The following RNF144B variants were observed in gnomAD, a reference collection of about 807,000 sequenced individuals.
RNF144B encodes the protein E3 ubiquitin-protein ligase RNF144B.
In RNF144B, 25 loss-of-function variants were observed where a neutral mutation model predicts 40.2. The observed-to-expected ratio is 0.62, with a 90% confidence interval of 0.45 to 0.87. RNF144B has a LOEUF of 0.87. RNF144B is among the 40% of genes least tolerant of loss of function. The pLI, the probability that RNF144B is intolerant of heterozygous loss-of-function variation, is 0.00. For synonymous variants in RNF144B, 145 were observed against 136.3 expected (o/e 1.06, Z -0.44); for missense variants, 365 against 373.7 (o/e 0.98, Z 0.19).
chr6:18,442,493 C>T lies in RNF144B; in HGVS notation c.331+2749C>T, dbSNP rs1355961809. On this transcript the variant is annotated intron_variant, in intron 4 of 7. Coordinates refer to ENST00000259939, the MANE Select transcript of RNF144B (RefSeq NM_182757.4). The surrounding 1 kb of genome is among the most constrained non-coding windows in gnomAD (Gnocchi z 4.3). Reference sequence around the variant, plus strand: ...TTGCCTAGGACCACATAGACTGTGGCTAACCTTCCTTATCTATACAAATGT... The same window carrying T: ...TTGCCTAGGACCACATAGACTGTGGTTAACCTTCCTTATCTATACAAATGT... 6.6e-6 allele frequency among the ~76,000 whole-genome samples: 1 copy of T among 152,172 alleles called. No individual in the cohort carries two copies. The highest frequency in any genetic ancestry group is 1.5e-5 in the Non-Finnish European group (1 of 68,030).
chr6:18,426,685 T>G (rs1030802713), intron 2 of RNF144B, among the ~76,000 whole-genome samples: 3 of 151,512 alleles, frequency 2.0e-5, no homozygotes, highest in Non-Finnish European at 4.4e-5. Flanking sequence ...CTGGTTTTCT[T>G]TTTTCTATTC....
At chr6:18,461,905 G>T (rs904077198) in intron 6 of RNF144B, among the ~76,000 whole-genome samples, 1 of 152,096 alleles carries the variant, frequency 6.6e-6, no homozygotes, top group Non-Finnish European at 1.5e-5. Context: ...AGTTGAGCTT[G>T]TTCCTGCCTT....
At position 18,450,429 on chromosome 6, in the gene RNF144B, C is replaced by G. The variant is rs747005734; in HGVS notation, c.332-6726C>G. On this transcript the variant is annotated intron_variant, in intron 4 of 7. Coordinates refer to ENST00000259939, the MANE Select transcript of RNF144B (RefSeq NM_182757.4). This position sits in a 1 kb window ranked among gnomAD's most constrained non-coding sequence, Gnocchi z 4.7. ...TCTCCTGCCTCAGCCTCCCGAGTAG[C>G]TGGGATTACACGTGTGTGCCACCAG... 3.5e-4 allele frequency among the ~76,000 whole-genome samples: 53 copies of G among 152,146 alleles called. No individual in the cohort carries two copies. The highest frequency in any genetic ancestry group is 6.8e-4 in the Non-Finnish European group (46 of 68,010).
rs951781107 is a variant in RNF144B at position 18,419,715 on chromosome 6, G to A, written c.166-7866G>A. ...GAGTGGCAGGGAGGAGTTGGGATGGGATTGGTGAAGGAGTGAGGGAAGACA... is the reference window on the plus strand; with the variant it reads ...GAGTGGCAGGGAGGAGTTGGGATGGAATTGGTGAAGGAGTGAGGGAAGACA... On this transcript the variant is annotated intron_variant, in intron 2 of 7. Transcript: ENST00000259939. The surrounding 1 kb of genome is among the most constrained non-coding windows in gnomAD (Gnocchi z 4.6). 2.6e-5 allele frequency among the ~76,000 whole-genome samples: 4 copies of A among 152,154 alleles called. No individual in the cohort carries two copies. The highest frequency in any genetic ancestry group is 9.7e-5 in the African/African-American group (4 of 41,438).
At chr6:18,440,447 G>T (rs1166578191) in intron 4 of RNF144B, among the ~76,000 whole-genome samples, 1 of 151,992 alleles carries the variant, frequency 6.6e-6, no homozygotes, top group Non-Finnish European at 1.5e-5. Context: ...TTATTGGACT[G>T]GTCTAGTCTC....
At chr6:18,391,035 C>T (rs1794568521) in intron 1 of RNF144B, among the ~76,000 whole-genome samples, 1 of 152,138 alleles carries the variant, frequency 6.6e-6, no homozygotes, top group African/African-American at 2.4e-5. Flanking sequence ...CTATATGAAA[C>T]TTTTAACTTT....
chr6:18,436,142 T>C (rs556205825), intron 3 of RNF144B, among the ~76,000 whole-genome samples: 8 of 152,084 alleles, frequency 5.3e-5, no homozygotes, highest in Admixed American at 4.6e-4. Context: ...ACGTCTGTGA[T>C]ATTCTTGCCA....
rs9477751 is a variant in RNF144B at position 18,460,927 on chromosome 6, A to C, written c.681+1176A>C. On this transcript the variant is annotated intron_variant, in intron 6 of 7. Transcript: ENST00000259939. This position sits in a 1 kb window ranked among gnomAD's most constrained non-coding sequence, Gnocchi z 4.4. ...CAATTTGGACCTCTAAAATATGTCC[A>C]TATCAGCGTAAGCCCTCAGTTACCA... 0.036 allele frequency among the ~76,000 whole-genome samples: 5,529 copies of C among 152,282 alleles called. 200 individuals carry two copies. Among genetic ancestry groups the C allele is most frequent in the African/African-American group, 0.092 (3,804 of 41,538 alleles).
intron 1 of RNF144B, among the ~76,000 whole-genome samples, chr6:18,389,849 G>A (rs1794547021): frequency 6.6e-6 from 1 of 152,112 alleles, no homozygotes; most frequent in Admixed American, 6.5e-5. Context: ...TTTCTTTCAG[G>A]GGTGCCTACC....
rs1562062743 is a variant in RNF144B at position 18,466,205 on chromosome 6, C to G, written c.*1138C>G. 6.6e-6 allele frequency: 1 copy of G among 151,900 alleles called. No individual in the cohort carries two copies. The highest frequency in any genetic ancestry group is 6.5e-5 in the Admixed American group (1 of 15,268). The allele number at this position is 151,900 out of a possible 1,614,324, so 9.4% of individuals were successfully genotyped here. ...TTTTGGTTGTAAGTTCATAACTTACCCAAGGGTATAGACTCATAACTCTTT... is the reference window on the plus strand; with the variant it reads ...TTTTGGTTGTAAGTTCATAACTTACGCAAGGGTATAGACTCATAACTCTTT... On this transcript the variant is annotated 3_prime_UTR_variant, in exon 8 of 8. Coordinates refer to ENST00000259939, the MANE Select transcript of RNF144B (RefSeq NM_182757.4).
chr6:18,414,762 C>A lies in RNF144B; in HGVS notation c.166-12819C>A, dbSNP rs1228748635. On this transcript the variant is annotated intron_variant, in intron 2 of 7. Transcript: ENST00000259939. This position sits in a 1 kb window ranked among gnomAD's most constrained non-coding sequence, Gnocchi z 4.9. ...TGAATGGTATAAATTTTATCTTTTG[C>A]TTTTAGTTTTAAAATATTGTACAAC... 2.0e-5 allele frequency among the ~76,000 whole-genome samples: 3 copies of A among 151,978 alleles called. No homozygotes were observed. The highest frequency in any genetic ancestry group is 7.2e-5 in the African/African-American group (3 of 41,382).
intron 2 of RNF144B, among the ~76,000 whole-genome samples, chr6:18,407,816 T>A (rs1041943915): frequency 2.0e-5 from 3 of 152,102 alleles, no homozygotes; most frequent in African/African-American, 7.2e-5. Flanking sequence ...TAGTGCTCAG[T>A]CCAATGTAGG....
chr6:18,463,300 T>C lies in RNF144B; in HGVS notation c.691T>C (p.Phe231Leu). The C allele has an allele frequency of 6.3e-7, 1 of 1,596,354 alleles. No individual in the cohort carries two copies. Among genetic ancestry groups the C allele is most frequent in the Non-Finnish European group, 8.6e-7 (1 of 1,163,796 alleles). Residue 231 changes from phenylalanine to leucine, a missense_variant, in exon 7 of 8, where the codon TTC becomes CTC. Phe to Leu is a conservative substitution (Grantham distance 22). Transcript: ENST00000259939. ...TCTTTTTATTTTTCAGAATGACATT[T>C]TCCTCAGACATTATGACAAAGGGCC... ...YCLQNLDNDI[F>L]LRHYDKGPCR...
Position 18,430,004 on chromosome 6 carries a change from A to G in RNF144B, c.270+2319A>G, listed in dbSNP as rs527833806. 2.0e-5 allele frequency among the ~76,000 whole-genome samples: 3 copies of G among 152,358 alleles called. No homozygotes were observed. In the East Asian group the frequency reaches 5.8e-4, roughly 29 times the overall value. ...GCAGGCAACAGGAGCTGTGTCTGCT[A>G]TGAAATCTTAGTGAATTCATGCACA... On this transcript the variant is annotated intron_variant, in intron 3 of 7. Coordinates refer to ENST00000259939, the MANE Select transcript of RNF144B (RefSeq NM_182757.4).
At chr6:18,424,019 A>G (rs1758492729) in intron 2 of RNF144B, among the ~76,000 whole-genome samples, 1 of 152,154 alleles carries the variant, frequency 6.6e-6, no homozygotes, top group Admixed American at 6.5e-5. Flanking sequence ...TTCTTTGTTA[A>G]TAGTGATTAT....
Position 18,457,320 on chromosome 6 carries a change from G to C in RNF144B, c.497G>C (p.Cys166Ser). The change falls in exon 5 of 8, where the codon TGT becomes TCT. Residue 166 changes from cysteine (C) to serine (S), a missense_variant. Cys to Ser is a moderately radical substitution (Grantham distance 112, BLOSUM62 -1). Coordinates refer to ENST00000259939, the MANE Select transcript of RNF144B (RefSeq NM_182757.4). This position sits in a 1 kb window ranked among gnomAD's most constrained non-coding sequence, Gnocchi z 5.1. ...GATGCTTGGCATGCAGAGGTCTCCT[G>C]TAGAGACAGTCAGCCTATTGTCCTG... is the stretch of plus-strand genomic sequence containing the variant. Reference protein sequence around the residue: ...CKDAWHAEVSCRDSQPIVLPT... With the variant: ...CKDAWHAEVSSRDSQPIVLPT... 1 of 1,614,202 alleles carries C rather than the reference G, an allele frequency of 6.2e-7. No homozygotes were observed. Among genetic ancestry groups the C allele is most frequent in the East Asian group, 2.2e-5 (1 of 44,876 alleles).
At chr6:18,396,562 G>T in intron 1 of RNF144B, 1 of 985,432 alleles carries the variant, frequency 1.0e-6, no homozygotes, top group African/African-American at 1.7e-5. Flanking sequence ...GTGTGGGATG[G>T]TTCTGGCCTG....
Position 18,415,154 on chromosome 6 carries a change from T to A in RNF144B, c.166-12427T>A, listed in dbSNP as rs116250239. On this transcript the variant is annotated intron_variant, in intron 2 of 7. Coordinates refer to ENST00000259939, the MANE Select transcript of RNF144B (RefSeq NM_182757.4). ...ATTTCTTATTGTGATTTTAAAAATATATTTTCTGTCCGTGGTTGGTTGAAT... is the reference window on the plus strand; with the variant it reads ...ATTTCTTATTGTGATTTTAAAAATAAATTTTCTGTCCGTGGTTGGTTGAAT... 5.3e-3 allele frequency among the ~76,000 whole-genome samples: 801 copies of A among 152,334 alleles called. 12 individuals are homozygous for A. The highest frequency in any genetic ancestry group is 0.018 in the African/African-American group (740 of 41,572).
intron 4 of RNF144B, among the ~76,000 whole-genome samples, chr6:18,440,983 A>G (rs1437684205): frequency 6.6e-6 from 1 of 152,116 alleles, no homozygotes; most frequent in African/African-American, 2.4e-5. Context: ...AATAGTTTAT[A>G]ATGTTGAACA....
Sources: allele counts gnomAD v4.1 joint callset (sites outside exome capture counted in the v4.1 genomes callset), GRCh38; gene constraint gnomAD v4.1.1; non-coding constraint Gnocchi (gnomAD v3.1); transcripts MANE v1.5; gene names NCBI Gene and HGNC (gene_info 2026-07-23, HGNC 2026-07-21).